Variants in OR2L13 observed in about 807,000 individuals in gnomAD.
OR2L13 encodes the protein olfactory receptor 2L13.
A neutral mutation model predicts 15.3 loss-of-function variants in OR2L13; 14 were observed. The ratio of observed to expected loss-of-function variants is 0.91; its 90% CI spans 0.60 to 1.43. The LOEUF (loss-of-function observed/expected upper bound fraction) is 1.43. Among genes scored for constraint, OR2L13 ranks in the 40% most tolerant of loss-of-function variants. The pLI, the probability that OR2L13 is intolerant of heterozygous loss-of-function variation, is 0.00. For synonymous variants in OR2L13, 152 were observed against 142.9 expected, an observed-to-expected ratio of 1.06 and a Z score of -0.45; for missense variants, 367 against 387.9, an observed-to-expected ratio of 0.95 and a Z score of 0.45.
At chr1:248,052,412 T>G in the OR2L13 span, among the ~76,000 whole-genome samples, 3 of 152,266 alleles carry the variant, frequency 2.0e-5, no homozygotes, top group South Asian at 6.2e-4. Flanking sequence ...TTGATTACTA[T>G]AGCTTCGAGT....
the OR2L13 span, among the ~76,000 whole-genome samples, chr1:248,067,925 T>C: frequency 9.9e-4 from 150 of 152,208 alleles, 2 homozygotes; most frequent in East Asian, 5.0e-3. Context: ...AACTGCAAGG[T>C]GGCAGCGAGG....
chr1:248,098,464 GT>G (rs1407633316), intron 1 of OR2L13, among the ~76,000 whole-genome samples, 186 bp from the exon 2 acceptor site: 1 of 152,116 alleles, frequency 6.6e-6, no homozygotes, highest in Non-Finnish European at 1.5e-5. Context: ...CACCTGTCAT[GT>G]TCCCAACTTT....
chr1:248,043,534 G>C, the OR2L13 span, among the ~76,000 whole-genome samples: 2 of 152,100 alleles, frequency 1.3e-5, no homozygotes, highest in African/African-American at 2.4e-5. Context: ...AACAAATTTC[G>C]GTGGCCCTAT....
chr1:248,017,848 A>C, the OR2L13 span, among the ~76,000 whole-genome samples: 3 of 152,312 alleles, frequency 2.0e-5, no homozygotes, highest in Non-Finnish European at 4.4e-5. Flanking sequence ...CTTGCCTTGT[A>C]GAATGTGTCT....
the OR2L13 span, among the ~76,000 whole-genome samples, chr1:248,014,580 A>C: frequency 3.9e-5 from 6 of 152,182 alleles, no homozygotes; most frequent in Admixed American, 1.3e-4. Flanking sequence ...AAATGAGCAT[A>C]GTATGTGGAA....
At chr1:248,018,962 G>C in the OR2L13 span, among the ~76,000 whole-genome samples, 1 of 152,066 alleles carries the variant, frequency 6.6e-6, no homozygotes, top group African/African-American at 2.4e-5. Flanking sequence ...CTATGTTGTA[G>C]CATGTGTCAC....
chr1:248,087,474 T>C, the OR2L13 span: 1 of 152,194 alleles, frequency 6.6e-6, no homozygotes, highest in African/African-American at 2.4e-5. Flanking sequence ...AAAATAATTA[T>C]CAAACAAATT....
the OR2L13 span, among the ~76,000 whole-genome samples, chr1:248,070,863 C>T: frequency 6.6e-6 from 1 of 152,058 alleles, no homozygotes; most frequent in South Asian, 2.1e-4. Context: ...CGCAAATAGA[C>T]TAGAAAATCT....
chr1:247,938,082 A>G, the OR2L13 span, among the ~76,000 whole-genome samples: 2 of 152,134 alleles, frequency 1.3e-5, no homozygotes, highest in African/African-American at 4.8e-5. Flanking sequence ...TAATAATACA[A>G]CTATTTAATG....
the OR2L13 span, among the ~76,000 whole-genome samples, chr1:247,975,868 T>C: frequency 6.6e-6 from 1 of 152,200 alleles, no homozygotes; most frequent in African/African-American, 2.4e-5. Context: ...AAAATATAGA[T>C]CATTTATTTT....
At chr1:248,000,303 A>C in the OR2L13 span, among the ~76,000 whole-genome samples, 8,538 of 152,128 alleles carry the variant, frequency 0.056, 732 homozygotes, top group African/African-American at 0.19. Flanking sequence ...GAACTCAAGA[A>C]GACCATCCTC....
chr1:247,990,482 T>C, the OR2L13 span: 1 of 1,576,428 alleles, frequency 6.3e-7, no homozygotes, highest in African/African-American at 1.3e-5. Flanking sequence ...ACCTAAATTA[T>C]ATTTCCACCA....
the OR2L13 span, among the ~76,000 whole-genome samples, chr1:248,053,132 T>G: frequency 6.6e-5 from 10 of 152,184 alleles, no homozygotes; most frequent in African/African-American, 2.4e-4. Context: ...CAGGCCCCAG[T>G]AAGTGTTGTT....
chr1:248,012,828 T>C, the OR2L13 span, among the ~76,000 whole-genome samples: 2 of 152,062 alleles, frequency 1.3e-5, no homozygotes, highest in African/African-American at 4.8e-5. Flanking sequence ...TAAAAACATT[T>C]AAACATTTAT....
chr1:248,059,814 CAGG>C, the OR2L13 span, among the ~76,000 whole-genome samples: 5 of 152,082 alleles, frequency 3.3e-5, no homozygotes, highest in African/African-American at 1.2e-4. Flanking sequence ...AAGGCCAAGA[CAGG>C]AGGATTGGTG....
At chr1:247,991,535 T>C in the OR2L13 span, among the ~76,000 whole-genome samples, 3 of 149,352 alleles carry the variant, frequency 2.0e-5, 1 homozygote, top group African/African-American at 7.5e-5. Context: ...TAAGAGGTTC[T>C]ATACAGCTAC....
chr1:247,965,582 T>C, the OR2L13 span: 1 of 1,596,398 alleles, frequency 6.3e-7, no homozygotes, highest in Non-Finnish European at 8.5e-7. Flanking sequence ...CTCTCCATCG[T>C]TGACCTCATG....
the OR2L13 span, chr1:248,040,982 T>C: frequency 1.3e-5 from 2 of 152,222 alleles, no homozygotes; most frequent in African/African-American, 4.8e-5. Flanking sequence ...ACTTATAGAA[T>C]GGCAAATGTT....
chr1:248,054,516 A>G, the OR2L13 span, among the ~76,000 whole-genome samples: 2 of 152,178 alleles, frequency 1.3e-5, no homozygotes, highest in Non-Finnish European at 2.9e-5. Context: ...CATTGTATCT[A>G]TAAATTGCTT....
Sources: allele counts gnomAD v4.1 joint callset (sites outside exome capture counted in the v4.1 genomes callset), GRCh38; gene constraint gnomAD v4.1.1; transcripts MANE v1.5; gene names NCBI Gene and HGNC (gene_info 2026-07-23, HGNC 2026-07-21).